SMYD2: variants seen among roughly 807,000 people sequenced by gnomAD.
SMYD2 encodes SET and MYND domain containing 2, also known as N-lysine methyltransferase SMYD2.
SMYD2 carries 53 observed loss-of-function variants against 59.1 expected under a neutral mutation model. That is an observed-to-expected ratio of 0.90 (90% CI 0.72 to 1.13). The LOEUF is 1.13. SMYD2 is among the 50% of genes most tolerant of loss of function. The probability of loss-of-function intolerance (pLI) is 0.00; values close to 1 mark genes in which losing one functional copy is unlikely to be tolerated. For synonymous variants in SMYD2, 208 were observed against 198.8 expected, an observed-to-expected ratio of 1.05 and a Z score of -0.39; for missense variants, 494 against 544.7, an observed-to-expected ratio of 0.91 and a Z score of 0.93.
intron 1 of SMYD2, among the ~76,000 whole-genome samples, chr1:214,294,493 C>T (rs1487327641): frequency 6.6e-6 from 1 of 152,186 alleles, no homozygotes; most frequent in Non-Finnish European, 1.5e-5. Flanking sequence ...CATGGTGAAA[C>T]CCCGTCTCTA....
chr1:214,322,798 C>G (rs1017364661), intron 5 of SMYD2, among the ~76,000 whole-genome samples: 5 of 152,284 alleles, frequency 3.3e-5, no homozygotes, highest in Non-Finnish European at 4.4e-5. Flanking sequence ...TCCTGAGCCT[C>G]AATTTTCACA....
chr1:214,292,488 C>T (rs572464589), intron 1 of SMYD2, among the ~76,000 whole-genome samples: 13 of 152,252 alleles, frequency 8.5e-5, no homozygotes, highest in African/African-American at 3.1e-4. Flanking sequence ...ACACTTGCTC[C>T]TTGAATGCAT....
rs768471404 is a variant in SMYD2, at chr1:214,334,228, G to A, written c.1141G>A (p.Val381Met). ...GCACTATCCTTTGTACTCCCTCAAC[G>A]TGGCCTCCATGTGGTTGAAGCTAGG... ...SKHYPLYSLN[V>M]ASMWLKLGRL... The change falls in exon 11 of 12, where the codon GTG (valine) becomes ATG (methionine). Residue 381 changes from valine (V) to methionine (M), a missense_variant. Physicochemically the swap from Val to Met is conservative, Grantham distance 21. Transcript: ENST00000366957. 3.2e-5 allele frequency: 51 copies of A among 1,613,860 alleles called. 1 individual carries two copies. Among genetic ancestry groups the A allele is most frequent in the Middle Eastern group, 1.7e-4 (1 of 5,976 alleles).
chr1:214,282,265 T>C (rs1239908344), intron 1 of SMYD2, among the ~76,000 whole-genome samples: 1 of 152,224 alleles, frequency 6.6e-6, no homozygotes, highest in Non-Finnish European at 1.5e-5. Context: ...GTCTTGTCTT[T>C]CACTTAATGG....
At chr1:214,290,861 T>TGG (rs1422221271) in intron 1 of SMYD2, among the ~76,000 whole-genome samples, 165 of 152,328 alleles carry the variant, frequency 1.1e-3, no homozygotes, top group African/African-American at 3.8e-3. Context: ...ATGTAGGTAC[T>TGG]GGCTCATATT....
chr1:214,299,885 C>T (rs1656794141), intron 1 of SMYD2, among the ~76,000 whole-genome samples: 2 of 152,132 alleles, frequency 1.3e-5, no homozygotes, highest in Non-Finnish European at 2.9e-5. Flanking sequence ...GGATTACAGG[C>T]GTGAGCCACC....
At position 214,334,150 on chromosome 1, in the gene SMYD2, G is replaced by A. The variant is rs750109385; in HGVS notation, c.1113-50G>A. On this transcript the variant is annotated intron_variant, in intron 10 of 11. Transcript: ENST00000366957. ...GCTTACTGCACCCAGCCTGTGGGGC[G>A]GCTCAGTAGCCGCTGACATGGTGGC... The A allele has an allele frequency of 3.2e-5, 50 of 1,553,036 alleles. 2 individuals are homozygous for A. Among genetic ancestry groups the A allele is most frequent in the South Asian group, 2.5e-4 (22 of 89,462 alleles).
At chr1:214,284,321 C>T (rs1198706757) in intron 1 of SMYD2, among the ~76,000 whole-genome samples, 6 of 117,748 alleles carry the variant, frequency 5.1e-5, no homozygotes, top group Non-Finnish European at 8.0e-5. Context: ...AGTGCAGTGG[C>T]GTGATCTCAG....
In SMYD2 at chr1:214,327,666, C is replaced by A. The variant is rs1657284653; in HGVS notation, c.647C>A (p.Thr216Asn). 2 of 1,614,012 alleles carry A rather than the reference C, an allele frequency of 1.2e-6. No homozygotes were observed. The highest frequency in any genetic ancestry group is 2.7e-5 in the African/African-American group (2 of 74,890). ...AGCTGTTGCCCCAATGTCATTGTGA[C>A]CTACAAAGGGACCCTGGCAGAAGTC... ...NHSCCPNVIV[T>N]YKGTLAEVRA... Residue 216 changes from threonine to asparagine, a missense_variant, in exon 7 of 12, where the codon ACC becomes AAC. Physicochemically the swap from Thr to Asn is moderately conservative, Grantham distance 65. Coordinates refer to ENST00000366957, the MANE Select transcript of SMYD2 (RefSeq NM_020197.3).
At chr1:214,331,990 G>A (rs377428713) in intron 9 of SMYD2, 28 bp from the exon 10 acceptor site, 72 of 1,600,588 alleles carry the variant, frequency 4.5e-5, no homozygotes, top group South Asian at 3.6e-4. Flanking sequence ...GCTTGGGCCC[G>A]GTGGCCCTTT....
chr1:214,329,654 G>C (rs1657318627), intron 7 of SMYD2, among the ~76,000 whole-genome samples: 2 of 152,196 alleles, frequency 1.3e-5, no homozygotes, highest in Non-Finnish European at 2.9e-5. Flanking sequence ...AGAGCTGTGG[G>C]TCCCAGCCCA....
At chr1:214,282,732 C>T (rs75065317) in intron 1 of SMYD2, among the ~76,000 whole-genome samples, 2,282 of 152,110 alleles carry the variant, frequency 0.015, 60 homozygotes, top group African/African-American at 0.052. Context: ...GAACTAGACA[C>T]GGAATCATGC....
intron 2 of SMYD2, among the ~76,000 whole-genome samples, chr1:214,309,171 C>G (rs1656960834): frequency 6.6e-6 from 1 of 152,204 alleles, no homozygotes; most frequent in African/African-American, 2.4e-5. Context: ...TTACTTTCCT[C>G]TTAGTTCACT....
chr1:214,319,933 C>G (rs1297086894), intron 5 of SMYD2, among the ~76,000 whole-genome samples: 6 of 152,208 alleles, frequency 3.9e-5, no homozygotes. Flanking sequence ...GTACCCTTTG[C>G]CCAGTAACTC....
At chr1:214,298,456 A>G (rs1439928487) in intron 1 of SMYD2, among the ~76,000 whole-genome samples, 1 of 152,210 alleles carries the variant, frequency 6.6e-6, no homozygotes, top group East Asian at 1.9e-4. Context: ...AAATCCTAGA[A>G]CACCTAGGAA....
At position 214,327,678 on chromosome 1, in the gene SMYD2, C is replaced by A; in HGVS notation, c.659C>A (p.Thr220Asn). ...CPNVIVTYKG[T>N]LAEVRAVQEI... ...AATGTCATTGTGACCTACAAAGGGA[C>A]CCTGGCAGAAGTCAGAGCTGTACAG... The change falls in exon 7 of 12, where the codon ACC becomes AAC. Residue 220 changes from threonine to asparagine, a missense_variant. Thr to Asn is a moderately conservative substitution (Grantham distance 65). Transcript: ENST00000366957. The A allele has an allele frequency of 6.2e-7, 1 of 1,614,088 alleles. No individual in the cohort carries two copies. The highest frequency in any genetic ancestry group is 8.5e-7 in the Non-Finnish European group (1 of 1,180,000).
chr1:214,303,393 C>G (rs10864092), intron 1 of SMYD2, among the ~76,000 whole-genome samples: 79,314 of 151,886 alleles, frequency 0.52, 21,575 homozygotes, highest in African/African-American at 0.68. Flanking sequence ...AAGGGTCTGT[C>G]CATCTTGTTT....
chr1:214,327,547 C>A, intron 6 of SMYD2, 75 bp from the exon 7 acceptor site: 2 of 1,171,894 alleles, frequency 1.7e-6, no homozygotes, highest in East Asian at 2.3e-5. Context: ...TCTGACTTAG[C>A]AAGTAAGTAG....
chr1:214,333,132 GC>G (rs1227956037), intron 10 of SMYD2: 1 of 152,350 alleles, frequency 6.6e-6, no homozygotes, highest in Non-Finnish European at 1.5e-5. Flanking sequence ...CCCAAAGGAA[GC>G]CAGCTCTTAA....
Sources: allele counts gnomAD v4.1 joint callset (sites outside exome capture counted in the v4.1 genomes callset), GRCh38; gene constraint gnomAD v4.1.1; transcripts MANE v1.5; gene names NCBI Gene and HGNC (gene_info 2026-07-23, HGNC 2026-07-21).